Variants in UXS1 observed in about 807,000 individuals in gnomAD.
The protein encoded by UXS1 is UDP-glucuronic acid decarboxylase 1.
A neutral mutation model predicts 62.6 loss-of-function variants in UXS1; 33 were observed. That is an observed-to-expected ratio of 0.53 (90% CI 0.40 to 0.70). UXS1 has a LOEUF of 0.70. Among genes scored for constraint, UXS1 ranks in the 30% least tolerant of loss-of-function variants. The pLI is 0.00. For missense variants in UXS1, 434 were observed against 556.3 expected (o/e 0.78, Z 2.21); for synonymous variants, 213 against 206.8 (o/e 1.03, Z -0.26).
chr2:106,152,871 A>G (rs1440254289), intron 5 of UXS1, among the ~76,000 whole-genome samples: 1 of 127,976 alleles, frequency 7.8e-6, no homozygotes, highest in Admixed American at 7.4e-5. Context: ...AAGAGGGGCA[A>G]GGAAAAAAAA....
At position 106,158,164 on chromosome 2, in the gene UXS1, T is replaced by C; in HGVS notation, c.231-46A>G. The C allele has an allele frequency of 4.1e-6, 6 of 1,455,942 alleles. No homozygotes were observed. In the South Asian group the frequency reaches 7.4e-5, roughly 18 times the overall value. 90.2% of individuals were successfully genotyped at this position (1,455,942 alleles called of 1,614,324 possible). A position where few individuals can be genotyped will look rare whatever the true frequency, so the allele number is the denominator to read the frequency against. On this transcript the variant is annotated intron_variant, in intron 4 of 14. Coordinates refer to ENST00000283148, the MANE Select transcript of UXS1 (RefSeq NM_001253875.2). The stretch of plus-strand genomic sequence containing the variant: ...CAAAAGGAAAAAGTCAAACATCTCA[T>C]TTGAATATTTTCTCTGTCTACCATC...
rs764450110 is a variant in UXS1 at position 106,104,857 on chromosome 2, T to A, written c.880-20A>T. On this transcript the variant is annotated intron_variant, in intron 10 of 14. Coordinates refer to ENST00000283148, the MANE Select transcript of UXS1 (RefSeq NM_001253875.2). ...GTATACCTGGAAGGAAACCAACAGT[T>A]AGGCCTCCTGATAAAACCACACCCG... 1 of 1,613,928 alleles carries A rather than the reference T, an allele frequency of 6.2e-7. No homozygotes were observed. The highest frequency in any genetic ancestry group is 1.1e-5 in the South Asian group (1 of 91,082).
rs1447200944 is a variant in UXS1, at chr2:106,149,092, A to C, written c.292-3722T>G. 2.6e-5 allele frequency among the ~76,000 whole-genome samples: 4 copies of C among 152,188 alleles called. No individual in the cohort carries two copies. In the South Asian group the frequency reaches 8.3e-4, roughly 32 times the overall value. On this transcript the variant is annotated intron_variant, in intron 5 of 14. Transcript: ENST00000283148. Reference sequence around the variant, plus strand: ...GTTGAAGCTGTCCTAAGGCTTACCAATTTACTGAAAAGGCTTTAAGTTATA... The same window carrying C: ...GTTGAAGCTGTCCTAAGGCTTACCACTTTACTGAAAAGGCTTTAAGTTATA...
At chr2:106,185,618 G>A (rs969455273) in intron 1 of UXS1, among the ~76,000 whole-genome samples, 4 of 152,198 alleles carry the variant, frequency 2.6e-5, no homozygotes, top group Admixed American at 2.0e-4. Context: ...GTTTAACGGT[G>A]CCCCCTAAAA....
chr2:106,193,721 T>C (rs1685083969), intron 1 of UXS1, among the ~76,000 whole-genome samples: 1 of 152,178 alleles, frequency 6.6e-6, no homozygotes, highest in South Asian at 2.1e-4. Flanking sequence ...GGCCACAGTA[T>C]TTTTATCCGA....
chr2:106,165,552 C>T (rs1032926005), intron 2 of UXS1, among the ~76,000 whole-genome samples: 1 of 151,680 alleles, frequency 6.6e-6, no homozygotes, highest in African/African-American at 2.4e-5. Flanking sequence ...AGAGATAACA[C>T]GAGTTTTATT....
intron 11 of UXS1, 74 bp downstream of exon 11, chr2:106,104,720 G>A (rs1480409868): frequency 1.6e-5 from 25 of 1,555,194 alleles, no homozygotes; most frequent in Non-Finnish European, 2.1e-5. Flanking sequence ...ACAAGACACT[G>A]AACTGTCTGT....
At chr2:106,112,399 G>A (rs1209030090) in intron 10 of UXS1, among the ~76,000 whole-genome samples, 1 of 152,252 alleles carries the variant, frequency 6.6e-6, no homozygotes, top group African/African-American at 2.4e-5. Flanking sequence ...GGTACAGGCA[G>A]GCAGACCTGG....
chr2:106,165,931 G>C (rs1307207834), intron 2 of UXS1, 125 bp downstream of exon 2: 6 of 877,098 alleles, frequency 6.8e-6, no homozygotes, highest in Middle Eastern at 2.5e-4. Flanking sequence ...TATGTGAATA[G>C]CAAGAACCCA....
At chr2:106,153,842 A>G (rs1477989631) in intron 5 of UXS1, among the ~76,000 whole-genome samples, 1 of 152,232 alleles carries the variant, frequency 6.6e-6, no homozygotes, top group Admixed American at 6.5e-5. Flanking sequence ...CAAAGAACGA[A>G]AGGAAACCAT....
At chr2:106,110,235 G>A (rs188720721) in intron 10 of UXS1, among the ~76,000 whole-genome samples, 1 of 152,280 alleles carries the variant, frequency 6.6e-6, no homozygotes, top group East Asian at 1.9e-4. Flanking sequence ...CCACGTTCTC[G>A]ATTAACTGCA....
intron 10 of UXS1, among the ~76,000 whole-genome samples, chr2:106,109,493 C>T (rs1678401690): frequency 6.6e-6 from 1 of 152,186 alleles, no homozygotes; most frequent in Non-Finnish European, 1.5e-5. Context: ...CTGTCCTGGG[C>T]AAATCCAAAC....
chr2:106,104,138 TTC>T (rs1165422526), intron 11 of UXS1, among the ~76,000 whole-genome samples: 1 of 152,168 alleles, frequency 6.6e-6, no homozygotes, highest in East Asian at 1.9e-4. Flanking sequence ...ACCAGAAACT[TTC>T]ACAGAATTTA....
At chr2:106,192,555 CAAAA>C (rs11308303) in intron 1 of UXS1, among the ~76,000 whole-genome samples, 3 of 130,006 alleles carry the variant, frequency 2.3e-5, no homozygotes, top group African/African-American at 2.8e-5. Flanking sequence ...GACTCCGTCT[CAAAA>C]AAAAAAAAAA....
chr2:106,123,103 G>A lies in UXS1; in HGVS notation c.638-12C>T, dbSNP rs539683738. On this transcript the variant is annotated splice_polypyrimidine_tract_variant and intron_variant, in intron 8 of 14. Coordinates refer to ENST00000283148, the MANE Select transcript of UXS1 (RefSeq NM_001253875.2). ...GTGGACTTCAGGATCTACGATGGGA[G>A]AAAAGTGAGACTGTTTTCATCTTTC... 29 of 1,613,382 alleles carry A rather than the reference G, an allele frequency of 1.8e-5. No homozygotes were observed. In the South Asian group the frequency reaches 2.3e-4, roughly 13 times the overall value.
chr2:106,108,419 C>T (rs1678276874), intron 10 of UXS1, among the ~76,000 whole-genome samples: 2 of 152,182 alleles, frequency 1.3e-5, no homozygotes, highest in African/African-American at 4.8e-5. Context: ...TGAGGCCTTC[C>T]ATCTCCCCCA....
At chr2:106,170,242 T>A (rs1683468037) in intron 1 of UXS1, among the ~76,000 whole-genome samples, 1 of 152,164 alleles carries the variant, frequency 6.6e-6, no homozygotes, top group Admixed American at 6.5e-5. Flanking sequence ...ACAGGTAGTG[T>A]CCTGGGCACC....
At chr2:106,108,954 T>C (rs1558683209) in intron 10 of UXS1, among the ~76,000 whole-genome samples, 1 of 144,676 alleles carries the variant, frequency 6.9e-6, no homozygotes, top group African/African-American at 2.5e-5. Context: ...CCTCGATATC[T>C]GATCACCCTC....
chr2:106,114,907 C>G lies in UXS1; in HGVS notation c.760-2142G>C, dbSNP rs188562171. The stretch of plus-strand genomic sequence containing the variant: ...AATAGACAGGAACCCGAGGCTCACT[C>G]CAGTTAAGCCCTGCTCTCCTCTGGG... On this transcript the variant is annotated intron_variant, in intron 9 of 14. Transcript: ENST00000283148. Among the ~76,000 whole-genome samples, 4 of 152,354 alleles carry G rather than the reference C, an allele frequency of 2.6e-5. No homozygotes were observed. The East Asian group carries it at 7.7e-4, about 29-fold the overall frequency.
Sources: gnomAD v4.1 joint callset for allele counts (sites outside exome capture counted in the v4.1 genomes callset) on GRCh38, gnomAD v4.1.1 for gene constraint, MANE v1.5 for transcripts, NCBI Gene and HGNC (gene_info 2026-07-23, HGNC 2026-07-21) for gene names.